The following CPEB1 variants were observed in gnomAD, a reference collection of about 807,000 sequenced individuals.
CPEB1 encodes cytoplasmic polyadenylation element binding protein 1.
CPEB1 carries 7 observed loss-of-function variants against 65.8 expected under a neutral mutation model. The ratio of observed to expected loss-of-function variants is 0.11; its 90% CI spans 0.06 to 0.20. The LOEUF (loss-of-function observed/expected upper bound fraction) is 0.20, where lower values mean the gene tolerates loss of function less well. CPEB1 is among the 10% of genes least tolerant of loss of function. The probability of loss-of-function intolerance (pLI) is 1.00; values close to 1 mark genes in which losing one functional copy is unlikely to be tolerated. For missense variants in CPEB1, 551 were observed against 712.2 expected (o/e 0.77, Z 2.58); for synonymous variants, 262 against 260.0 (o/e 1.01, Z -0.08).
intron 1 of CPEB1, among the ~76,000 whole-genome samples, chr15:82,633,441 C>T (rs921706462): frequency 1.3e-5 from 2 of 152,238 alleles, no homozygotes; most frequent in African/African-American, 4.8e-5. Context: ...GGCTCAATCT[C>T]CGCTCTCTGT....
chr15:82,577,804 T>C (rs1186347289), intron 3 of CPEB1, among the ~76,000 whole-genome samples: 1 of 152,094 alleles, frequency 6.6e-6, no homozygotes, highest in Non-Finnish European at 1.5e-5. Flanking sequence ...ATTACAGGTG[T>C]GAGCCACTGC....
intron 2 of CPEB1, 52 bp downstream of exon 2, chr15:82,628,312 G>T: frequency 1.4e-6 from 1 of 702,496 alleles, no homozygotes; most frequent in Non-Finnish European, 2.6e-6. Flanking sequence ...AAAAGGTTGG[G>T]AGTGAAGATT....
intron 3 of CPEB1, among the ~76,000 whole-genome samples, chr15:82,572,704 C>A (rs1365986278): frequency 6.6e-6 from 1 of 152,176 alleles, no homozygotes; most frequent in African/African-American, 2.4e-5. Context: ...CTAGCTCTGT[C>A]AATATTGCTT....
chr15:82,639,123 A>G (rs1053590349), intron 1 of CPEB1, among the ~76,000 whole-genome samples: 1 of 152,216 alleles, frequency 6.6e-6, no homozygotes, highest in Non-Finnish European at 1.5e-5. Flanking sequence ...GCTGCCACAG[A>G]GTAAAGGCCA....
At chr15:82,592,061 C>T (rs966497892) in intron 3 of CPEB1, among the ~76,000 whole-genome samples, 1 of 151,788 alleles carries the variant, frequency 6.6e-6, no homozygotes, top group Non-Finnish European at 1.5e-5. Context: ...CCAGGCTGGT[C>T]TCGAACTCTG....
At chr15:82,633,255 T>A (rs942824232) in intron 1 of CPEB1, 3 of 152,196 alleles carry the variant, frequency 2.0e-5, no homozygotes, top group Non-Finnish European at 2.9e-5. Flanking sequence ...AATTAAAAAA[T>A]TAATTTAAAA....
chr15:82,566,273 C>G (rs911564473), intron 4 of CPEB1, among the ~76,000 whole-genome samples: 2 of 152,116 alleles, frequency 1.3e-5, no homozygotes, highest in Non-Finnish European at 2.9e-5. Flanking sequence ...TATTTGTTAT[C>G]TAATGGGAAT....
chr15:82,543,245 G>C lies in CPEB1; in HGVS notation c.*1347C>G, dbSNP rs1595982503. 6.6e-6 allele frequency: 1 copy of C among 152,504 alleles called. No individual in the cohort carries two copies. The highest frequency in any genetic ancestry group is 2.4e-5 in the African/African-American group (1 of 41,386). 9.4% of individuals were successfully genotyped at this position (152,504 alleles called of 1,614,324 possible). A position where few individuals can be genotyped will look rare whatever the true frequency, so the allele number is the denominator to read the frequency against. ...TATGTGCCAAAAAAACTACACCACA[G>C]CTTACTCCACACATCTGTAGGAGAG... On this transcript the variant is annotated 3_prime_UTR_variant, in exon 13 of 13. Coordinates refer to ENST00000684509, the MANE Select transcript of CPEB1 (RefSeq NM_001365242.1).
intron 3 of CPEB1, chr15:82,573,317 A>C: frequency 2.8e-6 from 2 of 710,192 alleles, no homozygotes; most frequent in Admixed American, 6.4e-5. Flanking sequence ...CTTGCTCCCT[A>C]TCTGTGTTTG....
chr15:82,572,063 G>A lies in CPEB1; in HGVS notation c.272-531C>T, dbSNP rs535658854. ...CGCCGACAGCAGAGCCAAAGCAGCC[G>A]ACTGCCTGCTCGTGTGGCTCTGCCC... On this transcript the variant is annotated intron_variant, in intron 3 of 12. Transcript: ENST00000684509. The A allele has an allele frequency of 2.8e-4, 44 of 158,110 alleles. 1 individual carries two copies. Among genetic ancestry groups the A allele is most frequent in the Middle Eastern group, 6.5e-3 (2 of 306 alleles). 9.8% of individuals were successfully genotyped at this position (158,110 alleles called of 1,614,324 possible).
chr15:82,624,155 C>T (rs1350024922), intron 3 of CPEB1, among the ~76,000 whole-genome samples: 1 of 152,204 alleles, frequency 6.6e-6, no homozygotes, highest in Admixed American at 6.5e-5. Flanking sequence ...AAAATGCTCT[C>T]TGCTGTAGGC....
At chr15:82,595,796 A>T (rs2042622841) in intron 3 of CPEB1, among the ~76,000 whole-genome samples, 1 of 152,272 alleles carries the variant, frequency 6.6e-6, no homozygotes. Flanking sequence ...AGAGAATTAG[A>T]AAACTGCTAT....
At chr15:82,579,530 T>C (rs1044060750) in intron 3 of CPEB1, among the ~76,000 whole-genome samples, 16 of 152,312 alleles carry the variant, frequency 1.1e-4, no homozygotes, top group African/African-American at 3.6e-4. Context: ...CAATCATCAT[T>C]ATCACCTTTG....
At chr15:82,588,004 C>T (rs1596069790) in intron 3 of CPEB1, among the ~76,000 whole-genome samples, 1 of 152,304 alleles carries the variant, frequency 6.6e-6, no homozygotes, top group East Asian at 1.9e-4. Context: ...TCACTGCACC[C>T]TCTGCCTCCC....
chr15:82,623,503 C>A (rs2045494704), intron 3 of CPEB1, among the ~76,000 whole-genome samples: 1 of 152,056 alleles, frequency 6.6e-6, no homozygotes, highest in Non-Finnish European at 1.5e-5. Flanking sequence ...TGTGGTGAAA[C>A]CCCCATCTCT....
At chr15:82,578,911 C>T (rs1028882634) in intron 3 of CPEB1, among the ~76,000 whole-genome samples, 2 of 152,174 alleles carry the variant, frequency 1.3e-5, no homozygotes, top group Non-Finnish European at 2.9e-5. Context: ...ACAACCTCCA[C>T]GTCCTAGGCT....
chr15:82,647,977 G>C (rs2047721588), upstream of CPEB1: 2 of 883,252 alleles, frequency 2.3e-6, no homozygotes, highest in African/African-American at 1.8e-5. Context: ...GCGCAGCCCC[G>C]CACCCCGGCA....
chr15:82,639,777 G>A (rs1054278939), intron 1 of CPEB1, among the ~76,000 whole-genome samples: 85 of 152,112 alleles, frequency 5.6e-4, no homozygotes, highest in African/African-American at 2.7e-4. Context: ...TTTCCTCCTG[G>A]AGTCTGAAAT....
intron 3 of CPEB1, among the ~76,000 whole-genome samples, chr15:82,577,075 T>C (rs998196539): frequency 1.7e-4 from 26 of 152,214 alleles, no homozygotes; most frequent in African/African-American, 6.0e-4. Flanking sequence ...TTTTTTTCTG[T>C]AAATAAAGTT....
Sources: allele counts gnomAD v4.1 joint callset (sites outside exome capture counted in the v4.1 genomes callset), GRCh38; gene constraint gnomAD v4.1.1; transcripts MANE v1.5; gene names NCBI Gene and HGNC (gene_info 2026-07-23, HGNC 2026-07-21).